Variants in SLC35D4 observed in about 807,000 individuals in gnomAD.
SLC35D4 encodes UDP-N-acetylglucosamine transporter SLC35D4.
At chr18:23,313,197 A>G in the SLC35D4 span, among the ~76,000 whole-genome samples, 1 of 149,008 alleles carries the variant, frequency 6.7e-6, no homozygotes, top group Non-Finnish European at 1.5e-5. Flanking sequence ...GCACATGAAC[A>G]TGCAACAGGC....
the SLC35D4 span, among the ~76,000 whole-genome samples, chr18:23,256,528 T>C: frequency 6.6e-6 from 1 of 152,228 alleles, no homozygotes; most frequent in Admixed American, 6.5e-5. Context: ...TTGCCCAGGC[T>C]GGAGTTCGGT....
the SLC35D4 span, among the ~76,000 whole-genome samples, chr18:23,299,417 C>T: frequency 1.3e-5 from 2 of 152,186 alleles, no homozygotes; most frequent in Non-Finnish European, 2.9e-5. Flanking sequence ...GTGAGGGGCA[C>T]GTCCTGTTGA....
chr18:23,289,095 T>C, the SLC35D4 span, among the ~76,000 whole-genome samples: 3 of 152,180 alleles, frequency 2.0e-5, no homozygotes, highest in Admixed American at 2.0e-4. Context: ...TCATCCCTAC[T>C]ATTTTCTGTC....
the SLC35D4 span, chr18:23,253,736 C>T: frequency 4.3e-6 from 7 of 1,613,964 alleles, no homozygotes; most frequent in Non-Finnish European, 3.4e-6. Flanking sequence ...CAGTCTGAAA[C>T]GAGAGATGCG....
At chr18:23,380,203 CTG>C in the SLC35D4 span, among the ~76,000 whole-genome samples, 2 of 152,166 alleles carry the variant, frequency 1.3e-5, no homozygotes, top group African/African-American at 4.8e-5. Context: ...CTGCCAGGTG[CTG>C]TTCTAAGGGC....
the SLC35D4 span, among the ~76,000 whole-genome samples, chr18:23,375,627 G>A: frequency 1.3e-5 from 2 of 152,128 alleles, no homozygotes; most frequent in African/African-American, 4.8e-5. Context: ...AAATGCTAGG[G>A]TGCCTGGAAT....
chr18:23,435,500 A>C, the SLC35D4 span, among the ~76,000 whole-genome samples: 8 of 152,276 alleles, frequency 5.3e-5, no homozygotes, highest in Non-Finnish European at 7.3e-5. Flanking sequence ...AAACAAACAA[A>C]CAAACAAACA....
At chr18:23,251,950 A>T in the SLC35D4 span, among the ~76,000 whole-genome samples, 1 of 151,884 alleles carries the variant, frequency 6.6e-6, no homozygotes, top group Admixed American at 6.6e-5. Context: ...GCTGGGTGTG[A>T]TGGTGGGCGC....
the SLC35D4 span, among the ~76,000 whole-genome samples, chr18:23,429,415 G>A: frequency 5.3e-5 from 8 of 151,972 alleles, no homozygotes; most frequent in South Asian, 4.2e-4. Context: ...GGAGTACAAC[G>A]GTGCAATCTC....
chr18:23,346,876 T>A, the SLC35D4 span, among the ~76,000 whole-genome samples: 12 of 152,264 alleles, frequency 7.9e-5, no homozygotes, highest in Non-Finnish European at 1.8e-4. Context: ...AAATCTCACT[T>A]GATTATGGTG....
At chr18:23,254,047 A>G in the SLC35D4 span, 2 of 865,614 alleles carry the variant, frequency 2.3e-6, no homozygotes, top group Non-Finnish European at 3.7e-6. Flanking sequence ...ATCCTTAGTC[A>G]GCAATTGAGG....
the SLC35D4 span, among the ~76,000 whole-genome samples, chr18:23,371,944 T>TGTTTTTTTTTTG: frequency 7.6e-5 from 2 of 26,216 alleles, no homozygotes; most frequent in African/African-American, 1.8e-4. Flanking sequence ...TGTTTTTTTT[T>TGTTTTTTTTTTG]TTTTTTTTTG....
chr18:23,270,370 G>T, the SLC35D4 span, among the ~76,000 whole-genome samples: 2 of 152,234 alleles, frequency 1.3e-5, no homozygotes, highest in South Asian at 2.1e-4. Flanking sequence ...GCATGTCTAG[G>T]CAAAAGTTTG....
At chr18:23,238,853 A>G in the SLC35D4 span, among the ~76,000 whole-genome samples, 9 of 152,184 alleles carry the variant, frequency 5.9e-5, no homozygotes, top group Non-Finnish European at 1.3e-4. Flanking sequence ...TCTGAATTCC[A>G]CATTCCTCAG....
At chr18:23,351,356 G>A in the SLC35D4 span, among the ~76,000 whole-genome samples, 1 of 152,040 alleles carries the variant, frequency 6.6e-6, no homozygotes, top group Admixed American at 6.5e-5. Context: ...GCAATGAGTT[G>A]AGATCATGCC....
the SLC35D4 span, among the ~76,000 whole-genome samples, chr18:23,310,636 T>A: frequency 3.9e-5 from 6 of 152,014 alleles, no homozygotes; most frequent in African/African-American, 1.4e-4. Context: ...TCAGCTACCA[T>A]CTCCCTCAAG....
chr18:23,426,723 A>C, the SLC35D4 span, among the ~76,000 whole-genome samples: 48 of 152,304 alleles, frequency 3.2e-4, no homozygotes, highest in Non-Finnish European at 5.9e-4. Context: ...AATCCTAAGC[A>C]AAAAGAACAA....
the SLC35D4 span, among the ~76,000 whole-genome samples, chr18:23,246,414 C>T: frequency 4.6e-5 from 7 of 151,670 alleles, no homozygotes; most frequent in East Asian, 2.0e-4. Context: ...TTTTTTGAGA[C>T]GGAGTCTTGC....
At chr18:23,300,765 A>G in the SLC35D4 span, among the ~76,000 whole-genome samples, 1 of 152,254 alleles carries the variant, frequency 6.6e-6, no homozygotes, top group African/African-American at 2.4e-5. Context: ...GAAATGAACA[A>G]ACTTCATGTA....
Sources: gnomAD v4.1 joint callset for allele counts (sites outside exome capture counted in the v4.1 genomes callset) on GRCh38, gnomAD v4.1.1 for gene constraint, MANE v1.5 for transcripts, NCBI Gene and HGNC (gene_info 2026-07-23, HGNC 2026-07-21) for gene names.